Variants in TNR observed in about 807,000 individuals in gnomAD.
TNR encodes the protein tenascin R, also known as tenascin-R.
A neutral mutation model predicts 150.4 loss-of-function variants in TNR; 45 were observed. The observed-to-expected ratio is 0.30, with a 90% CI of 0.24 to 0.38. The LOEUF is 0.38. Among genes scored for constraint, TNR ranks in the 10% least tolerant of loss-of-function variants. The pLI, the probability that TNR is intolerant of heterozygous loss-of-function variation, is 1.00. For synonymous variants in TNR, 687 were observed against 678.4 expected (o/e 1.01, Z -0.20); for missense variants, 1,544 against 1,759.1 (o/e 0.88, Z 2.19).
At position 175,397,470 on chromosome 1, in the gene TNR, G is replaced by T. The variant is rs1249097127; in HGVS notation, c.977-663C>A. On this transcript the variant is annotated intron_variant, in intron 4 of 22. Transcript: ENST00000367674. ...GCCAACATTTTTGGTGGTTTAATAA[G>T]TTATCGTCATCAGATTACCCTGGGA... 3.9e-5 allele frequency among the ~76,000 whole-genome samples: 6 copies of T among 152,286 alleles called. No individual in the cohort carries two copies. In the East Asian group the frequency reaches 1.2e-3, roughly 29 times the overall value.
intron 1 of TNR, among the ~76,000 whole-genome samples, chr1:175,628,982 T>A (rs1318199792): frequency 6.6e-6 from 1 of 152,232 alleles, no homozygotes; most frequent in Non-Finnish European, 1.5e-5. Context: ...TCTGAGAGTG[T>A]GATCCTATCA....
intron 1 of TNR, among the ~76,000 whole-genome samples, chr1:175,637,818 G>C (rs1311029877): frequency 1.3e-5 from 2 of 152,124 alleles, no homozygotes; most frequent in Non-Finnish European, 2.9e-5. Flanking sequence ...CTGTGAGTTT[G>C]GATTAGATCT....
intron 2 of TNR, among the ~76,000 whole-genome samples, chr1:175,415,753 C>T (rs1195025643): frequency 6.6e-6 from 1 of 152,124 alleles, no homozygotes; most frequent in Non-Finnish European, 1.5e-5. Flanking sequence ...TTACCTTTCA[C>T]AGAGACACTC....
intron 1 of TNR, among the ~76,000 whole-genome samples, chr1:175,698,821 C>CA (rs368818542): frequency 0.12 from 17,948 of 145,172 alleles, 1,326 homozygotes; most frequent in South Asian, 0.23. Context: ...GACTCTGTCT[C>CA]AAAAAAAAAA....
At chr1:175,427,837 CCCTT>C (rs1655076832) in intron 2 of TNR, among the ~76,000 whole-genome samples, 1 of 136,370 alleles carries the variant, frequency 7.3e-6, no homozygotes, top group African/African-American at 2.8e-5. Flanking sequence ...TTTCCTCCCT[CCCTT>C]CCCTCTTTTT....
At chr1:175,394,032 A>G (rs1653304140) in intron 5 of TNR, 137 bp from the exon 6 acceptor site, 3 of 666,810 alleles carry the variant, frequency 4.5e-6, no homozygotes, top group Non-Finnish European at 7.8e-6. Flanking sequence ...ATCTTGCTCC[A>G]GACACAGTGA....
intron 20 of TNR, chr1:175,335,323 A>ATTACC: frequency 5.5e-6 from 1 of 181,780 alleles, no homozygotes. Context: ...AACTAAGCGG[A>ATTACC]GTGGCTGTCC....
At chr1:175,587,751 T>C (rs1662631810) in intron 1 of TNR, among the ~76,000 whole-genome samples, 1 of 152,214 alleles carries the variant, frequency 6.6e-6, no homozygotes, top group Non-Finnish European at 1.5e-5. Flanking sequence ...ACAATATTTC[T>C]TTCAAAAGCT....
chr1:175,689,200 C>A (rs1666286003), intron 1 of TNR, among the ~76,000 whole-genome samples: 1 of 152,214 alleles, frequency 6.6e-6, no homozygotes, highest in African/African-American at 2.4e-5. Flanking sequence ...CTGCCTAGGG[C>A]TCTTTGTCCT....
At position 175,367,438 on chromosome 1, in the gene TNR, TAAG is replaced by T. The variant is rs371134716; in HGVS notation, c.1964-144_1964-142del. On this transcript the variant is annotated intron_variant, in intron 9 of 22. Transcript: ENST00000367674. ...TGAATCCTCTCCTAATTTGAACTAT[TAAG>T]AAATCCCAATTTCACTATTTAGGAA... is the stretch of plus-strand genomic sequence containing the variant. 7.3e-4 allele frequency: 532 copies of T among 733,540 alleles called. 5 individuals carry two copies. In the African/African-American group the frequency reaches 7.3e-3, roughly 10 times the overall value. 45.4% of individuals were successfully genotyped at this position (733,540 alleles called of 1,614,324 possible).
Position 175,365,109 on chromosome 1 carries a change from C to G in TNR, c.2488G>C (p.Val830Leu). The change falls in exon 12 of 23, where the codon GTC (valine) becomes CTC (leucine). Residue 830 changes from valine (V) to leucine (L), a missense_variant. Coordinates refer to ENST00000367674, the MANE Select transcript of TNR (RefSeq NM_003285.3). The part of the protein sequence containing the change: ...VSLDATKRHA[V>L]LMGLQPATEY... ...GTGGCTGGTTGCAGGCCCATCAGGACAGCATGCCTCTTGGTGGCATCCAGG... is the reference window on the plus strand; with the variant it reads ...GTGGCTGGTTGCAGGCCCATCAGGAGAGCATGCCTCTTGGTGGCATCCAGG... 1.2e-6 allele frequency: 2 copies of G among 1,614,082 alleles called. No homozygotes were observed. The highest frequency in any genetic ancestry group is 1.1e-5 in the South Asian group (1 of 91,064).
rs1648907647 is a variant in TNR, at chr1:175,318,632, T to C, written c.*4725A>G. The C allele has an allele frequency of 2.0e-5, 3 of 152,278 alleles. No individual in the cohort carries two copies. The allele number at this position is 152,278 out of a possible 1,614,324, so 9.4% of individuals were successfully genotyped here. A position where few individuals can be genotyped will look rare whatever the true frequency, so the allele number is the denominator to read the frequency against. On this transcript the variant is annotated 3_prime_UTR_variant, in exon 23 of 23. Transcript: ENST00000367674. ...TTGGGTTATGGAAGAAGCAAAGGTT[T>C]GAGGAGGCATTCAGCTAAACATCTT...
chr1:175,591,553 G>A (rs1222620004), intron 1 of TNR, among the ~76,000 whole-genome samples: 1 of 152,186 alleles, frequency 6.6e-6, no homozygotes. Flanking sequence ...AGAAGGGAAG[G>A]GAAGAGGCTG....
chr1:175,664,542 T>C (rs1665473182), intron 1 of TNR, among the ~76,000 whole-genome samples: 1 of 152,182 alleles, frequency 6.6e-6, no homozygotes, highest in Admixed American at 6.5e-5. Flanking sequence ...TAGGCTACTC[T>C]GAAAAAATCA....
Position 175,386,292 on chromosome 1 carries a change from C to A in TNR, c.1517G>T (p.Gly506Val). Residue 506 changes from glycine (G) to valine (V), a missense_variant, in exon 8 of 23, where the codon GGC becomes GTC. By Grantham distance (109) the Gly-to-Val change is moderately radical. Around this residue, in one of 2 missense-constraint regions of TNR, gnomAD observed 1,254 missense variants for 1,329.4 expected, o/e 0.94. Transcript: ENST00000367674. ...TSASVSTVID[G>V]PTQILVRDVS... ...ATCGCGAACCAGGATCTGCGTGGGG[C>A]CGTCAATGACTGAGTGAGAAGGATC... 1 of 1,555,818 alleles carries A rather than the reference C, an allele frequency of 6.4e-7. No individual in the cohort carries two copies.
At chr1:175,445,056 G>C (rs778384168) in intron 2 of TNR, among the ~76,000 whole-genome samples, 1 of 152,170 alleles carries the variant, frequency 6.6e-6, no homozygotes, top group East Asian at 1.9e-4. Flanking sequence ...GGATCATAAG[G>C]TTAGGAGATT....
rs141512724 is a variant in TNR at position 175,395,298 on chromosome 1, C to A, written c.1240+1246G>T. Among the ~76,000 whole-genome samples the A allele has an allele frequency of 9.8e-4, 149 of 152,252 alleles. 1 individual carries two copies. The highest frequency in any genetic ancestry group is 3.5e-3 in the African/African-American group (144 of 41,550). Reference sequence around the variant, plus strand: ...CAAGGCTAAATCTTTCTACCTTGACCTTTTCCTTTTCTGAACTTTCGTGGC... The same window carrying A: ...CAAGGCTAAATCTTTCTACCTTGACATTTTCCTTTTCTGAACTTTCGTGGC... On this transcript the variant is annotated intron_variant, in intron 5 of 22. Coordinates refer to ENST00000367674, the MANE Select transcript of TNR (RefSeq NM_003285.3).
At chr1:175,627,784 G>A (rs1409336974) in intron 1 of TNR, among the ~76,000 whole-genome samples, 1 of 151,614 alleles carries the variant, frequency 6.6e-6, no homozygotes, top group African/African-American at 2.4e-5. Flanking sequence ...ACAATCAGAT[G>A]TGTTCTTTGG....
intron 1 of TNR, among the ~76,000 whole-genome samples, chr1:175,698,889 T>C (rs549531132): frequency 6.6e-6 from 1 of 152,132 alleles, no homozygotes; most frequent in South Asian, 2.1e-4. Context: ...ATAACAACTT[T>C]GGTTTTTGCT....
Sources: allele counts gnomAD v4.1 joint callset (sites outside exome capture counted in the v4.1 genomes callset), GRCh38; gene constraint gnomAD v4.1.1; regional missense constraint gnomAD v4.1.1; transcripts MANE v1.5; gene names NCBI Gene and HGNC (gene_info 2026-07-23, HGNC 2026-07-21).